BIRC3: variants seen among roughly 807,000 people sequenced by gnomAD.
BIRC3 encodes the protein baculoviral IAP repeat containing 3.
BIRC3 carries 26 observed loss-of-function variants against 59.0 expected under a neutral mutation model. The observed-to-expected ratio is 0.44, with a 90% CI of 0.32 to 0.61. BIRC3 has a LOEUF of 0.61. Ranked by LOEUF, BIRC3 falls within the 20% of genes least tolerant of loss-of-function variation. The probability of loss-of-function intolerance (pLI) is 0.04; values close to 1 mark genes in which losing one functional copy is unlikely to be tolerated. For missense variants in BIRC3, 641 were observed against 711.5 expected, an observed-to-expected ratio of 0.90 and a Z score of 1.13; for synonymous variants, 243 against 249.2, an observed-to-expected ratio of 0.98 and a Z score of 0.24.
Position 102,321,857 on chromosome 11 carries a change from A to T in BIRC3, c.-2653A>T, listed in dbSNP as rs1489811682. ...AACAGGTTTACAAAGGAGGAAAACG[A>T]CTTCTTCTAGATTTTTTTTTCAGTT... is the stretch of plus-strand genomic sequence containing the variant. On this transcript the variant is annotated 5_prime_UTR_variant, in exon 2 of 9. Transcript: ENST00000263464. 1.1e-5 allele frequency: 2 copies of T among 180,908 alleles called. No individual in the cohort carries two copies. Among genetic ancestry groups the T allele is most frequent in the East Asian group, 1.8e-4 (2 of 11,052 alleles). 11.2% of individuals were successfully genotyped at this position (180,908 alleles called of 1,614,324 possible). A position where few individuals can be genotyped will look rare whatever the true frequency, so the allele number is the denominator to read the frequency against.
At chr11:102,332,744 CA>C (rs1951156701) in intron 6 of BIRC3, among the ~76,000 whole-genome samples, 1 of 152,196 alleles carries the variant, frequency 6.6e-6, no homozygotes, top group African/African-American at 2.4e-5. Context: ...AGTGATATAG[CA>C]TCATACATTC....
chr11:102,332,120 T>C (rs3758841), intron 6 of BIRC3, among the ~76,000 whole-genome samples: 105,390 of 152,084 alleles, frequency 0.69, 36,975 homozygotes, highest in African/African-American at 0.77. Flanking sequence ...GGACAAGTTG[T>C]TCATGTCCTT....
At chr11:102,327,241 A>C (rs1214826712) in intron 3 of BIRC3, among the ~76,000 whole-genome samples, 3 of 152,242 alleles carry the variant, frequency 2.0e-5, no homozygotes, top group African/African-American at 7.2e-5. Flanking sequence ...CAATATATTA[A>C]GAGTAAATTG....
chr11:102,317,953 A>G (rs574311351), intron 1 of BIRC3, among the ~76,000 whole-genome samples: 2 of 152,300 alleles, frequency 1.3e-5, no homozygotes, highest in South Asian at 2.1e-4. Context: ...TAAAACGTTT[A>G]ATGAGCAAAT....
chr11:102,328,341 GT>G (rs1951105075), intron 4 of BIRC3, among the ~76,000 whole-genome samples: 1 of 152,148 alleles, frequency 6.6e-6, no homozygotes, highest in Admixed American at 6.5e-5. Flanking sequence ...CACTTGTGAT[GT>G]TTTTCAAACA....
In BIRC3 at chr11:102,336,213, T is replaced by A. The variant is rs1223093283; in HGVS notation, c.1572T>A (p.His524Gln). 6.3e-7 allele frequency: 1 copy of A among 1,586,520 alleles called. No individual in the cohort carries two copies. The highest frequency in any genetic ancestry group is 2.2e-5 in the East Asian group (1 of 44,464). ...AAGCTGAAGCTGTGTTATATGAGCA[T>A]TTATTTGGTGAGTGATAGAAAATTA... ...LQEAEAVLYE[H>Q]LFVQQDIKYI... The change falls in exon 7 of 9, where the codon CAT becomes CAA. Residue 524 changes from histidine (H) to glutamine (Q), a missense_variant. Physicochemically the swap from His to Gln is conservative, Grantham distance 24. This residue lies in a region of BIRC3 where 268 missense variants were observed against 255.7 expected (regional missense o/e 1.05). Transcript: ENST00000263464.
intron 5 of BIRC3, among the ~76,000 whole-genome samples, chr11:102,329,182 G>A (rs908481486): frequency 2.0e-5 from 3 of 152,098 alleles, no homozygotes; most frequent in African/African-American, 7.2e-5. Flanking sequence ...TTAAATCTGA[G>A]TATCTAAAGG....
At position 102,337,879 on chromosome 11, in the gene BIRC3, G is replaced by C; in HGVS notation, c.*777G>C. The C allele has an allele frequency of 4.4e-6, 1 of 229,144 alleles. No individual in the cohort carries two copies. Among genetic ancestry groups the C allele is most frequent in the Non-Finnish European group, 8.7e-6 (1 of 115,596 alleles). 14.2% of individuals were successfully genotyped at this position (229,144 alleles called of 1,614,324 possible). On this transcript the variant is annotated 3_prime_UTR_variant, in exon 9 of 9. Transcript: ENST00000263464. ...TCTTCATTGACACTTGTAGAACACGGGGTCAACACATCATAAAATCTATTA... is the reference window on the plus strand; with the variant it reads ...TCTTCATTGACACTTGTAGAACACGCGGTCAACACATCATAAAATCTATTA...
intron 3 of BIRC3, among the ~76,000 whole-genome samples, chr11:102,327,847 A>T (rs553680056): frequency 6.6e-6 from 1 of 152,198 alleles, no homozygotes; most frequent in East Asian, 1.9e-4. Flanking sequence ...AAAGCAATAC[A>T]ATAGAATCAG....
rs1223245212 is a variant in BIRC3 at position 102,338,108 on chromosome 11, T to C, written c.*1006T>C. 4.4e-6 allele frequency: 1 copy of C among 228,274 alleles called. No homozygotes were observed. Among genetic ancestry groups the C allele is most frequent in the Non-Finnish European group, 8.7e-6 (1 of 115,050 alleles). The allele number at this position is 228,274 out of a possible 1,614,324, so 14.1% of individuals were successfully genotyped here. A position where few individuals can be genotyped will look rare whatever the true frequency, so the allele number is the denominator to read the frequency against. ...GGGACCAACAGGTTGTTCTGGTAAATAAATCTGTTTCATATTGTCAGTGCA... is the reference window on the plus strand; with the variant it reads ...GGGACCAACAGGTTGTTCTGGTAAACAAATCTGTTTCATATTGTCAGTGCA... On this transcript the variant is annotated 3_prime_UTR_variant, in exon 9 of 9. Transcript: ENST00000263464.
At chr11:102,327,997 T>C in intron 3 of BIRC3, 55 bp from the exon 4 acceptor site, 1 of 1,400,300 alleles carries the variant, frequency 7.1e-7, no homozygotes, top group East Asian at 2.4e-5. Context: ...TGTTATTACA[T>C]TTTCATTTCA....
In BIRC3 at chr11:102,324,516, A is replaced by T. The variant is rs764638130; in HGVS notation, c.7A>T (p.Ile3Leu). The T allele has an allele frequency of 6.2e-7, 1 of 1,609,190 alleles. No homozygotes were observed. Among genetic ancestry groups the T allele is most frequent in the Non-Finnish European group, 8.5e-7 (1 of 1,177,194 alleles). Residue 3 changes from isoleucine to leucine, a missense_variant, in exon 2 of 9, where the codon ATA (isoleucine) becomes TTA (leucine). Around this residue, in one of 4 missense-constraint regions of BIRC3, gnomAD observed 329 missense variants for 365.6 expected, o/e 0.90. Transcript: ENST00000263464. Reference sequence around the variant, plus strand: ...CTTCCCCATTCATTTCATTATGAACATAGTAGAAAACAGCATATTCTTATC... The same window carrying T: ...CTTCCCCATTCATTTCATTATGAACTTAGTAGAAAACAGCATATTCTTATC... Reference protein sequence around the residue: MNIVENSIFLSNL... With the variant: MNLVENSIFLSNL...
intron 6 of BIRC3, 58 bp downstream of exon 6, chr11:102,331,299 T>G: frequency 6.9e-7 from 1 of 1,456,144 alleles, no homozygotes; most frequent in Non-Finnish European, 9.1e-7. Context: ...AGTCTATATG[T>G]TATGAAAAAT....
chr11:102,317,685 G>T (rs2135778608), intron 1 of BIRC3, 114 bp downstream of exon 1: 1 of 153,350 alleles, frequency 6.5e-6, no homozygotes, highest in African/African-American at 2.4e-5. Flanking sequence ...TGGCCGAGGG[G>T]CGCTTAGGGC....
rs565903986 is a variant in BIRC3, at chr11:102,329,703, C to T, written c.1081+758C>T. Among the ~76,000 whole-genome samples, 34 of 152,198 alleles carry T rather than the reference C, an allele frequency of 2.2e-4. 1 individual carries two copies. In the South Asian group the frequency reaches 2.3e-3, roughly 10 times the overall value. On this transcript the variant is annotated intron_variant, in intron 5 of 8. Transcript: ENST00000263464. ...ATCACAAGAACAGAAAACCAAACAC[C>T]GCATGTTCTCACTCATAGTTGGGAA...
chr11:102,317,885 A>G (rs996942856), intron 1 of BIRC3, among the ~76,000 whole-genome samples: 2 of 152,336 alleles, frequency 1.3e-5, no homozygotes, highest in Non-Finnish European at 2.9e-5. Context: ...GGGCCTTTGC[A>G]GGTGCCAAAT....
rs769042239 is a variant in BIRC3, at chr11:102,336,081, T to C, written c.1440T>C (p.Asp480=). The change falls in exon 7 of 9, where the codon GAT becomes GAC. Residue 480 remains aspartate (D), a synonymous_variant. Transcript: ENST00000263464. ...GAATTATTAATGAACAAGAACATGA[T>C]GTTATTAAACAGAAGACACAGACGT... ...TAGIINEQEH[D]VIKQKTQTSL... 6.2e-7 allele frequency: 1 copy of C among 1,613,966 alleles called. No individual in the cohort carries two copies. Among genetic ancestry groups the C allele is most frequent in the Non-Finnish European group, 8.5e-7 (1 of 1,179,948 alleles).
intron 1 of BIRC3, among the ~76,000 whole-genome samples, chr11:102,318,518 G>A (rs1489761981): frequency 1.3e-5 from 2 of 152,220 alleles, no homozygotes; most frequent in African/African-American, 4.8e-5. Context: ...GGGAGGGCAG[G>A]TACAGAGATG....
At chr11:102,327,943 A>C in intron 3 of BIRC3, 109 bp from the exon 4 acceptor site, 1 of 778,970 alleles carries the variant, frequency 1.3e-6, no homozygotes, top group East Asian at 2.9e-5. Flanking sequence ...TGAGGCAAAC[A>C]ACCAGATTTG....
Sources: gnomAD v4.1 joint callset for allele counts (sites outside exome capture counted in the v4.1 genomes callset) on GRCh38, gnomAD v4.1.1 for gene constraint, gnomAD v4.1.1 regional missense constraint, MANE v1.5 for transcripts, NCBI Gene and HGNC (gene_info 2026-07-23, HGNC 2026-07-21) for gene names.